The following DYNC1I1 variants were observed in gnomAD, a reference collection of about 807,000 sequenced individuals.
The protein encoded by DYNC1I1 is cytoplasmic dynein 1 intermediate chain 1.
DYNC1I1 carries 43 observed loss-of-function variants against 86.6 expected under a neutral mutation model. The observed-to-expected ratio is 0.50, with a 90% CI of 0.39 to 0.64. DYNC1I1 has a LOEUF of 0.64. Ranked by LOEUF, DYNC1I1 falls within the 30% of genes least tolerant of loss-of-function variation. The pLI is 0.00. For synonymous variants in DYNC1I1, 262 were observed against 283.7 expected, an observed-to-expected ratio of 0.92 and a Z score of 0.77; for missense variants, 604 against 788.8, an observed-to-expected ratio of 0.77 and a Z score of 2.81.
intron 5 of DYNC1I1, among the ~76,000 whole-genome samples, chr7:95,868,646 A>T (rs2706869): frequency 0.42 from 64,172 of 152,052 alleles, 15,319 homozygotes; most frequent in Non-Finnish European, 0.56. Flanking sequence ...TAACATAATA[A>T]CTATATACTA....
chr7:96,016,445 T>C (rs1174103221), intron 10 of DYNC1I1, among the ~76,000 whole-genome samples: 1 of 152,122 alleles, frequency 6.6e-6, no homozygotes, highest in Non-Finnish European at 1.5e-5. Flanking sequence ...GAGTGACATA[T>C]GGAGACTGGA....
chr7:96,030,330 TTGTGTGTGTGTGTGTGTGTGTGTGTG>T (rs200496803), intron 11 of DYNC1I1, among the ~76,000 whole-genome samples: 1 of 135,396 alleles, frequency 7.4e-6, no homozygotes, highest in East Asian at 2.1e-4. Flanking sequence ...AATGGTAGAG[TTGTGTGTGTGTGTGTGTGTGTGTGTG>T]TGTGTGTGTG....
intron 6 of DYNC1I1, among the ~76,000 whole-genome samples, chr7:95,892,517 A>T (rs993961035): frequency 1.3e-5 from 2 of 151,946 alleles, no homozygotes; most frequent in Non-Finnish European, 2.9e-5. Context: ...TTCACTGTGT[A>T]AGCCAGGATG....
intron 1 of DYNC1I1, among the ~76,000 whole-genome samples, chr7:95,799,684 A>G (rs1403471163): frequency 6.7e-6 from 1 of 149,522 alleles, no homozygotes; most frequent in East Asian, 2.0e-4. Context: ...CATGCCTTCC[A>G]TTTTATAACC....
At chr7:95,936,800 G>T (rs1360170263) in intron 6 of DYNC1I1, among the ~76,000 whole-genome samples, 1 of 151,918 alleles carries the variant, frequency 6.6e-6, no homozygotes, top group Non-Finnish European at 1.5e-5. Context: ...ATTTTTTAAA[G>T]TGTGTATGGA....
At chr7:95,887,992 T>C (rs1790640546) in intron 6 of DYNC1I1, among the ~76,000 whole-genome samples, 1 of 152,228 alleles carries the variant, frequency 6.6e-6, no homozygotes, top group Admixed American at 6.5e-5. Context: ...TGACACTGTT[T>C]ACTGGACACT....
At chr7:95,856,904 G>C (rs367843802) in intron 5 of DYNC1I1, among the ~76,000 whole-genome samples, 7 of 151,954 alleles carry the variant, frequency 4.6e-5, no homozygotes, top group Admixed American at 2.6e-4. Flanking sequence ...GCTTGAATCC[G>C]GGGGGCAGAG....
intron 5 of DYNC1I1, among the ~76,000 whole-genome samples, chr7:95,831,193 G>A (rs542996535): frequency 7.9e-5 from 12 of 152,184 alleles, no homozygotes; most frequent in African/African-American, 2.9e-4. Context: ...TTTCTTAACA[G>A]TGTCTTTAAG....
intron 14 of DYNC1I1, among the ~76,000 whole-genome samples, chr7:96,063,662 A>G (rs1372246225): frequency 7.9e-5 from 12 of 152,112 alleles, no homozygotes; most frequent in Admixed American, 7.9e-4. Flanking sequence ...CCGCCCATAC[A>G]ACCTCATTTA....
At chr7:95,961,653 A>C (rs1360748165) in intron 6 of DYNC1I1, among the ~76,000 whole-genome samples, 4 of 152,356 alleles carry the variant, frequency 2.6e-5, no homozygotes, top group African/African-American at 9.6e-5. Context: ...AACAGTGGCC[A>C]GGGACAGAGG....
At chr7:96,036,680 TC>T (rs1236207613) in intron 13 of DYNC1I1, among the ~76,000 whole-genome samples, 1 of 152,168 alleles carries the variant, frequency 6.6e-6, no homozygotes, top group Non-Finnish European at 1.5e-5. Context: ...ATGTAATCCA[TC>T]CAATCTAAAG....
chr7:96,051,242 G>C (rs1272948125), intron 14 of DYNC1I1, among the ~76,000 whole-genome samples: 6 of 152,064 alleles, frequency 3.9e-5, no homozygotes, highest in Non-Finnish European at 8.8e-5. Context: ...AACTTCAGGG[G>C]GATTTAGGTT....
intron 9 of DYNC1I1, among the ~76,000 whole-genome samples, chr7:95,988,342 C>T (rs1182440653): frequency 6.6e-6 from 1 of 152,090 alleles, no homozygotes; most frequent in South Asian, 2.1e-4. Context: ...CTGGGTGATG[C>T]AGTGAGACTC....
Position 95,978,231 on chromosome 7 carries a change from A to T in DYNC1I1, c.580+630A>T, listed in dbSNP as rs182424183. 2.7e-3 allele frequency among the ~76,000 whole-genome samples: 412 copies of T among 152,334 alleles called. 3 individuals carry two copies. Among genetic ancestry groups the T allele is most frequent in the African/African-American group, 9.4e-3 (392 of 41,582 alleles). The stretch of plus-strand genomic sequence containing the variant: ...CCTATTTATAGGCAGAGAACTAGGA[A>T]GAGAGAGGTCTAAAACTTTATCCAA... On this transcript the variant is annotated intron_variant, in intron 7 of 16. Coordinates refer to ENST00000447467, the MANE Select transcript of DYNC1I1 (RefSeq NM_001135556.2).
intron 2 of DYNC1I1, 81 bp from the exon 3 acceptor site, chr7:95,810,311 C>A: frequency 3.6e-6 from 4 of 1,123,210 alleles, no homozygotes; most frequent in East Asian, 2.5e-5. Context: ...CACTGCCATG[C>A]ATTTATCATT....
intron 10 of DYNC1I1, among the ~76,000 whole-genome samples, chr7:96,027,464 A>G (rs1328911937): frequency 6.6e-6 from 1 of 152,196 alleles, no homozygotes; most frequent in African/African-American, 2.4e-5. Context: ...GAGCTTCAGA[A>G]ACCACATTTG....
chr7:95,930,385 G>C lies in DYNC1I1; in HGVS notation c.491-47127G>C, dbSNP rs550740122. ...TTTTAAAGGATTTCACTAGCAGTTT[G>C]GTAAGTCATTTGTCAATAAATGATG... On this transcript the variant is annotated intron_variant, in intron 6 of 16. Transcript: ENST00000447467. Among the ~76,000 whole-genome samples the C allele has an allele frequency of 6.6e-5, 10 of 152,216 alleles. No individual in the cohort carries two copies. In the South Asian group the frequency reaches 2.1e-3, roughly 32 times the overall value.
chr7:96,072,286 C>A (rs1790192236), intron 14 of DYNC1I1, among the ~76,000 whole-genome samples: 1 of 152,164 alleles, frequency 6.6e-6, no homozygotes, highest in Non-Finnish European at 1.5e-5. Context: ...GCCCTGGAAG[C>A]ACAAGGTGTC....
intron 6 of DYNC1I1, among the ~76,000 whole-genome samples, chr7:95,974,662 A>C (rs1793258073): frequency 6.6e-6 from 1 of 152,178 alleles, no homozygotes. Flanking sequence ...CATATTAAGC[A>C]TTGCCGGCCA....
Sources: allele counts gnomAD v4.1 joint callset (sites outside exome capture counted in the v4.1 genomes callset), GRCh38; gene constraint gnomAD v4.1.1; transcripts MANE v1.5; gene names NCBI Gene and HGNC (gene_info 2026-07-23, HGNC 2026-07-21).